The following CTNND2 variants were observed in gnomAD, a reference collection of about 807,000 sequenced individuals.
CTNND2 encodes the protein catenin delta 2, also known as catenin delta-2.
A neutral mutation model predicts 144.4 loss-of-function variants in CTNND2; 22 were observed. The observed-to-expected ratio is 0.15, with a 90% CI of 0.11 to 0.22. The LOEUF is 0.22. Ranked by LOEUF, CTNND2 falls within the 10% of genes least tolerant of loss-of-function variation. The pLI is 1.00. For synonymous variants in CTNND2, 751 were observed against 695.6 expected (o/e 1.08, Z -1.25); for missense variants, 1,353 against 1,618.8 (o/e 0.84, Z 2.82).
intron 9 of CTNND2, among the ~76,000 whole-genome samples, chr5:11,325,849 C>T (rs568032779): frequency 0.016 from 2,496 of 152,270 alleles, 27 homozygotes; most frequent in South Asian, 0.028. Context: ...GCCAGCATTC[C>T]TTCAACATAG....
chr5:11,634,293 A>T (rs1451728521), intron 2 of CTNND2, among the ~76,000 whole-genome samples: 1 of 152,196 alleles, frequency 6.6e-6, no homozygotes, highest in Non-Finnish European at 1.5e-5. Context: ...ACAGCCATGG[A>T]GAAGGGTGGC....
At chr5:11,568,209 T>G (rs1777276075) in intron 2 of CTNND2, among the ~76,000 whole-genome samples, 1 of 152,184 alleles carries the variant, frequency 6.6e-6, no homozygotes, top group Non-Finnish European at 1.5e-5. Flanking sequence ...GCTAGTTTCC[T>G]TACATACATG....
At chr5:11,783,304 A>C (rs1260071102) in intron 1 of CTNND2, among the ~76,000 whole-genome samples, 1 of 152,092 alleles carries the variant, frequency 6.6e-6, no homozygotes, top group Non-Finnish European at 1.5e-5. Context: ...AATATGCACT[A>C]TTATTTCATC....
At chr5:11,062,654 G>A (rs932040843) in intron 16 of CTNND2, among the ~76,000 whole-genome samples, 3 of 152,254 alleles carry the variant, frequency 2.0e-5, no homozygotes, top group African/African-American at 7.2e-5. Context: ...CTGGGGGCAG[G>A]CTCCCCTGGG....
chr5:11,519,866 T>C (rs1258487110), intron 3 of CTNND2, among the ~76,000 whole-genome samples: 1 of 151,924 alleles, frequency 6.6e-6, no homozygotes, highest in Non-Finnish European at 1.5e-5. Context: ...TGGCCAGGCA[T>C]GGTGGCTCAT....
intron 2 of CTNND2, among the ~76,000 whole-genome samples, chr5:11,567,097 C>T (rs1281067985): frequency 6.6e-6 from 1 of 152,120 alleles, no homozygotes; most frequent in Non-Finnish European, 1.5e-5. Flanking sequence ...ACCACCACCA[C>T]AAAATACAGT....
rs144807302 is a variant in CTNND2 at position 11,079,278 on chromosome 5, C to A, written c.2788+3418G>T. Among the ~76,000 whole-genome samples the A allele has an allele frequency of 3.3e-5, 4 of 121,950 alleles. No homozygotes were observed. In the East Asian group the frequency reaches 1.7e-3, roughly 52 times the overall value. 80.0% of individuals were successfully genotyped at this position (121,950 alleles called of 152,430 possible). On this transcript the variant is annotated intron_variant, in intron 16 of 21. Transcript: ENST00000304623. Reference sequence around the variant, plus strand: ...CCCAAGATCACCTGCACCCTTGCCACGGGGGTTGGTCCAGCTCCCTTCTGC... The same window carrying A: ...CCCAAGATCACCTGCACCCTTGCCAAGGGGGTTGGTCCAGCTCCCTTCTGC...
chr5:11,371,563 T>C (rs1757482393), intron 7 of CTNND2, among the ~76,000 whole-genome samples: 2 of 152,230 alleles, frequency 1.3e-5, no homozygotes, highest in South Asian at 2.1e-4. Flanking sequence ...TGTTTTATTC[T>C]TGATTTTTGC....
chr5:11,020,625 ATTTTG>A (rs1742142196), intron 17 of CTNND2, among the ~76,000 whole-genome samples: 1 of 152,204 alleles, frequency 6.6e-6, no homozygotes, highest in Non-Finnish European at 1.5e-5. Flanking sequence ...TCCTGAATTC[ATTTTG>A]TTTTAAGAGC....
chr5:11,013,110 C>T lies in CTNND2; in HGVS notation c.3084+4864G>A, dbSNP rs112098304. ...TAAAACCCTCATTCGAGAGGTGCCTCCTTATACTGGAGCAAAGGAACAGCC... is the reference window on the plus strand; with the variant it reads ...TAAAACCCTCATTCGAGAGGTGCCTTCTTATACTGGAGCAAAGGAACAGCC... On this transcript the variant is annotated intron_variant, in intron 18 of 21. Transcript: ENST00000304623. Among the ~76,000 whole-genome samples, 1,448 of 152,254 alleles carry T rather than the reference C, an allele frequency of 9.5e-3. 33 individuals carry two copies. The highest frequency in any genetic ancestry group is 0.033 in the African/African-American group (1,387 of 41,536).
At chr5:11,812,048 T>C (rs1029027415) in intron 1 of CTNND2, among the ~76,000 whole-genome samples, 1 of 152,244 alleles carries the variant, frequency 6.6e-6, no homozygotes. Context: ...CAAATATTTA[T>C]TAACTTTCTA....
At chr5:11,252,092 G>A (rs1181429683) in intron 9 of CTNND2, among the ~76,000 whole-genome samples, 1 of 152,166 alleles carries the variant, frequency 6.6e-6, no homozygotes, top group Non-Finnish European at 1.5e-5. Context: ...TACTGAAAAT[G>A]CTTTATTATA....
In CTNND2 at chr5:11,299,933, G is replaced by A. The variant is rs1009451626; in HGVS notation, c.1628+46439C>T. Among the ~76,000 whole-genome samples the A allele has an allele frequency of 8.0e-5, 12 of 150,798 alleles. 1 individual carries two copies. The highest frequency in any genetic ancestry group is 5.9e-4 in the Admixed American group (9 of 15,152). ...GCTCTGATATGCCATGTAGAAACAC[G>A]GCCACTTATGTGTGCTAATTGATGG... On this transcript the variant is annotated intron_variant, in intron 9 of 21. Transcript: ENST00000304623.
intron 9 of CTNND2, among the ~76,000 whole-genome samples, chr5:11,260,004 A>C (rs868093885): frequency 2.6e-5 from 4 of 152,264 alleles, no homozygotes; most frequent in South Asian, 2.1e-4. Flanking sequence ...AATTTTTCCA[A>C]CTCATTTATG....
At chr5:11,249,078 C>T (rs1018369832) in intron 9 of CTNND2, among the ~76,000 whole-genome samples, 1 of 152,226 alleles carries the variant, frequency 6.6e-6, no homozygotes, top group African/African-American at 2.4e-5. Flanking sequence ...GGTTCCTGCC[C>T]TCAGATTGTA....
chr5:11,231,878 T>C (rs1449289854), intron 10 of CTNND2, among the ~76,000 whole-genome samples: 2 of 152,226 alleles, frequency 1.3e-5, no homozygotes, highest in Non-Finnish European at 2.9e-5. Flanking sequence ...AATGGTTTTG[T>C]GGGCTTGGCC....
intron 3 of CTNND2, among the ~76,000 whole-genome samples, chr5:11,438,415 C>T (rs1049660266): frequency 6.6e-6 from 1 of 152,164 alleles, no homozygotes; most frequent in Non-Finnish European, 1.5e-5. Flanking sequence ...GTCTGGGAAG[C>T]AGTTGTTAGG....
intron 2 of CTNND2, among the ~76,000 whole-genome samples, chr5:11,597,705 A>G (rs1484639173): frequency 4.6e-5 from 7 of 151,906 alleles, no homozygotes; most frequent in Non-Finnish European, 4.4e-5. Flanking sequence ...TTCCAAGTAG[A>G]TGGGACTACA....
rs187767161 is a variant in CTNND2, at chr5:11,752,132, T to C, written c.38-19860A>G. 5.3e-5 allele frequency among the ~76,000 whole-genome samples: 8 copies of C among 151,970 alleles called. No individual in the cohort carries two copies. In the East Asian group the frequency reaches 1.4e-3, roughly 26 times the overall value. Reference sequence around the variant, plus strand: ...CTTTGTCAGATGCATAAGTTACAAATATCTTCTCCCATTCTGTACGCCGTC... The same window carrying C: ...CTTTGTCAGATGCATAAGTTACAAACATCTTCTCCCATTCTGTACGCCGTC... On this transcript the variant is annotated intron_variant, in intron 1 of 21. Coordinates refer to ENST00000304623, the MANE Select transcript of CTNND2 (RefSeq NM_001332.4).
Sources: allele counts gnomAD v4.1 joint callset (sites outside exome capture counted in the v4.1 genomes callset), GRCh38; gene constraint gnomAD v4.1.1; transcripts MANE v1.5; gene names NCBI Gene and HGNC (gene_info 2026-07-23, HGNC 2026-07-21).